Variants in ZNF521 observed in about 807,000 individuals in gnomAD.
ZNF521 encodes LYST-interacting protein 3.
Under a neutral mutation model 105.5 loss-of-function variants are expected in ZNF521, and 14 were observed. The observed-to-expected ratio is 0.13, with a 90% CI of 0.09 to 0.21. The LOEUF is 0.21. ZNF521 is among the 10% of genes least tolerant of loss of function. ZNF521 has a pLI of 1.00. For missense variants in ZNF521, 1,233 were observed against 1,629.7 expected (o/e 0.76, Z 4.19); for synonymous variants, 635 against 606.0 (o/e 1.05, Z -0.70).
intron 5 of ZNF521, among the ~76,000 whole-genome samples, chr18:25,170,305 ATAGACT>A (rs1410394754): frequency 2.6e-5 from 4 of 152,064 alleles, no homozygotes; most frequent in African/African-American, 7.2e-5. Flanking sequence ...TAATTTAATA[ATAGACT>A]TAGAGCATCT....
intron 5 of ZNF521, among the ~76,000 whole-genome samples, chr18:25,176,971 G>A (rs1329944298): frequency 6.6e-6 from 1 of 152,182 alleles, no homozygotes; most frequent in Non-Finnish European, 1.5e-5. Flanking sequence ...GCACTTACCA[G>A]CCCCCTTCTC....
intron 3 of ZNF521, among the ~76,000 whole-genome samples, chr18:25,295,907 A>T (rs1600271311): frequency 6.6e-6 from 1 of 151,990 alleles, no homozygotes. Context: ...ATCCATTTAA[A>T]CTCCCGCCAG....
intron 4 of ZNF521, among the ~76,000 whole-genome samples, chr18:25,200,115 T>G (rs1321207725): frequency 6.6e-6 from 1 of 152,128 alleles, no homozygotes; most frequent in Non-Finnish European, 1.5e-5. Context: ...CACACTGGAT[T>G]TTAACACAGT....
At chr18:25,291,308 G>T (rs1568059531) in intron 3 of ZNF521, among the ~76,000 whole-genome samples, 1 of 152,096 alleles carries the variant, frequency 6.6e-6, no homozygotes. Flanking sequence ...AACATGAAAA[G>T]ATACCAATTA....
At chr18:25,246,206 C>T (rs1300320555) in intron 3 of ZNF521, among the ~76,000 whole-genome samples, 1 of 151,364 alleles carries the variant, frequency 6.6e-6, no homozygotes, top group African/African-American at 2.4e-5. Context: ...CACATGTACC[C>T]TAGAGCTTAA....
rs1910878275 is a variant in ZNF521, at chr18:25,289,306, ATTT to A, written c.220+32699_220+32701del. 2.0e-5 allele frequency among the ~76,000 whole-genome samples: 3 copies of A among 152,302 alleles called. No homozygotes were observed. In the South Asian group the frequency reaches 6.2e-4, roughly 32 times the overall value. ...CTAAAAAGTATTGTGAATAAACATT[ATTT>A]TCTTTTAAACCCCTGGCAGAAAGGA... On this transcript the variant is annotated intron_variant, in intron 3 of 7. Transcript: ENST00000361524.
chr18:25,097,909 G>A (rs2033886577), intron 5 of ZNF521, among the ~76,000 whole-genome samples: 1 of 152,050 alleles, frequency 6.6e-6, no homozygotes, highest in Admixed American at 6.6e-5. Context: ...CTCATTATCA[G>A]CAGGGCTGGA....
chr18:25,289,405 A>G (rs556418678), intron 3 of ZNF521, among the ~76,000 whole-genome samples: 195 of 152,312 alleles, frequency 1.3e-3, no homozygotes, highest in Non-Finnish European at 2.2e-3. Flanking sequence ...TGATTATGCG[A>G]ACAGAACTTT....
intron 5 of ZNF521, among the ~76,000 whole-genome samples, chr18:25,145,978 G>A (rs560889182): frequency 6.6e-6 from 1 of 152,246 alleles, no homozygotes; most frequent in East Asian, 1.9e-4. Context: ...GATGACAACA[G>A]TTACCATTTA....
At chr18:25,250,099 C>T (rs907501855) in intron 3 of ZNF521, among the ~76,000 whole-genome samples, 6 of 152,032 alleles carry the variant, frequency 3.9e-5, no homozygotes, top group African/African-American at 1.4e-4. Context: ...CCACCACTCC[C>T]GGCTAATTTT....
chr18:25,348,426 T>C (rs1914556911), intron 2 of ZNF521, among the ~76,000 whole-genome samples: 1 of 152,134 alleles, frequency 6.6e-6, no homozygotes, highest in Non-Finnish European at 1.5e-5. Context: ...AAATGATTCG[T>C]TTGGTATAGC....
intron 3 of ZNF521, among the ~76,000 whole-genome samples, chr18:25,233,271 C>T (rs566648411): frequency 6.2e-4 from 95 of 152,048 alleles, no homozygotes; most frequent in Non-Finnish European, 1.2e-3. Flanking sequence ...AATTGCTTCC[C>T]TTCATTCTCC....
At chr18:25,280,421 T>TAAA (rs113409808) in intron 3 of ZNF521, among the ~76,000 whole-genome samples, 16 of 143,310 alleles carry the variant, frequency 1.1e-4, no homozygotes, top group African/African-American at 2.6e-4. Context: ...TGTAAAAAAT[T>TAAA]AAAAAAAAAA....
At chr18:25,213,336 A>G (rs1048508305) in intron 4 of ZNF521, among the ~76,000 whole-genome samples, 4 of 151,364 alleles carry the variant, frequency 2.6e-5, no homozygotes, top group Admixed American at 2.0e-4. Flanking sequence ...ACCTATTCTT[A>G]GTTTAGTGTT....
chr18:25,332,322 A>G (rs1247288300), intron 2 of ZNF521, among the ~76,000 whole-genome samples: 3 of 145,144 alleles, frequency 2.1e-5, no homozygotes, highest in African/African-American at 7.8e-5. Context: ...CATAAGGCAC[A>G]AATTTGTATA....
intron 2 of ZNF521, among the ~76,000 whole-genome samples, chr18:25,338,893 G>A (rs1342028313): frequency 1.3e-5 from 2 of 152,168 alleles, no homozygotes; most frequent in African/African-American, 4.8e-5. Context: ...GAGAACAGTT[G>A]TTAAATTGTC....
chr18:25,145,767 C>G (rs1334428014), intron 5 of ZNF521, among the ~76,000 whole-genome samples: 1 of 152,190 alleles, frequency 6.6e-6, no homozygotes, highest in Non-Finnish European at 1.5e-5. Flanking sequence ...CCTTCAGAAA[C>G]AAAAACAGCA....
intron 2 of ZNF521, among the ~76,000 whole-genome samples, chr18:25,322,568 T>G (rs986389498): frequency 1.4e-5 from 2 of 147,798 alleles, no homozygotes; most frequent in Non-Finnish European, 3.0e-5. Context: ...CCCACTGTGC[T>G]TAAGAATGAA....
chr18:25,325,167 T>C (rs1600309430), intron 2 of ZNF521, among the ~76,000 whole-genome samples: 1 of 152,196 alleles, frequency 6.6e-6, no homozygotes, highest in South Asian at 2.1e-4. Context: ...GTAAGATTTT[T>C]CCAGCCTCTA....
Sources: gnomAD v4.1 joint callset for allele counts (sites outside exome capture counted in the v4.1 genomes callset) on GRCh38, gnomAD v4.1.1 for gene constraint, MANE v1.5 for transcripts, NCBI Gene and HGNC (gene_info 2026-07-23, HGNC 2026-07-21) for gene names.